The following KIRREL3 variants were observed in gnomAD, a reference collection of about 807,000 sequenced individuals.
The protein encoded by KIRREL3 is kin of IRRE-like protein 3.
A neutral mutation model predicts 89.7 loss-of-function variants in KIRREL3; 36 were observed. That is an observed-to-expected ratio of 0.40 (90% CI 0.31 to 0.53). KIRREL3 has a LOEUF of 0.53. Ranked by LOEUF, KIRREL3 falls within the 20% of genes least tolerant of loss-of-function variation. KIRREL3 has a pLI of 0.49. For synonymous variants in KIRREL3, 445 were observed against 441.4 expected, an observed-to-expected ratio of 1.01 and a Z score of -0.10; for missense variants, 864 against 1,056.6, an observed-to-expected ratio of 0.82 and a Z score of 2.53.
At chr11:126,957,075 C>T (rs1948943109) in intron 1 of KIRREL3, among the ~76,000 whole-genome samples, 1 of 152,224 alleles carries the variant, frequency 6.6e-6, no homozygotes, top group Non-Finnish European at 1.5e-5. Context: ...CCCCACTGTG[C>T]CAGAGCCAAT....
At chr11:126,478,694 T>G (rs375757304) in intron 4 of KIRREL3, among the ~76,000 whole-genome samples, 2 of 152,168 alleles carry the variant, frequency 1.3e-5, no homozygotes, top group African/African-American at 2.4e-5. Context: ...TGCATGTAGA[T>G]GTACATGTGT....
intron 1 of KIRREL3, among the ~76,000 whole-genome samples, chr11:126,712,864 C>T (rs1947816698): frequency 2.0e-5 from 3 of 152,202 alleles, no homozygotes; most frequent in Admixed American, 2.0e-4. Flanking sequence ...GAAAAGAAAC[C>T]AGTTTAGGTG....
chr11:126,988,214 T>C (rs7941580), intron 1 of KIRREL3, among the ~76,000 whole-genome samples: 2 of 152,344 alleles, frequency 1.3e-5, no homozygotes, highest in East Asian at 3.9e-4. Context: ...TGGGTGATGA[T>C]GAATTCTTTT....
intron 1 of KIRREL3, among the ~76,000 whole-genome samples, chr11:126,638,907 AC>A (rs1184249191): frequency 5.9e-5 from 9 of 152,050 alleles, no homozygotes; most frequent in African/African-American, 1.7e-4. Context: ...TTGAGTAATT[AC>A]CTATTTCCTT....
At chr11:126,467,839 C>A (rs535801495) in intron 5 of KIRREL3, among the ~76,000 whole-genome samples, 2 of 152,264 alleles carry the variant, frequency 1.3e-5, no homozygotes, top group African/African-American at 4.8e-5. Context: ...TGAGCCTCGG[C>A]CACACCCAGT....
intron 1 of KIRREL3, among the ~76,000 whole-genome samples, chr11:126,813,229 A>T (rs533804341): frequency 2.0e-4 from 31 of 152,344 alleles, no homozygotes; most frequent in African/African-American, 7.5e-4. Flanking sequence ...AGGCATGAAG[A>T]TGAAGGCATT....
rs1944749457 is a variant in KIRREL3, at chr11:126,647,785, T to G, written c.56-84873A>C. On this transcript the variant is annotated intron_variant, in intron 1 of 16. Coordinates refer to ENST00000525144, the MANE Select transcript of KIRREL3 (RefSeq NM_032531.4). This position sits in a 1 kb window ranked among gnomAD's most constrained non-coding sequence, Gnocchi z 4.9. ...AGTCTGAGTAGTGCTTTTAAAAACC[T>G]AAGTCAGAGGGAGCCGTTCCTTTGT... Among the ~76,000 whole-genome samples, 1 of 152,198 alleles carries G rather than the reference T, an allele frequency of 6.6e-6. No individual in the cohort carries two copies. Among genetic ancestry groups the G allele is most frequent in the African/African-American group, 2.4e-5 (1 of 41,454 alleles).
rs1591603281 is a variant in KIRREL3 at position 126,476,293 on chromosome 11, T to A, written c.434-2827A>T. Among the ~76,000 whole-genome samples the A allele has an allele frequency of 6.6e-6, 1 of 151,596 alleles. No homozygotes were observed. Among genetic ancestry groups the A allele is most frequent in the African/African-American group, 2.4e-5 (1 of 41,172 alleles). ...GGACTTTGGGGAGCTCCCCAGGGGG[T>A]CCCATGGCAGGACCAGCTTTCTGGG... On this transcript the variant is annotated intron_variant, in intron 4 of 16. Coordinates refer to ENST00000525144, the MANE Select transcript of KIRREL3 (RefSeq NM_032531.4). The surrounding 1 kb of genome is among the most constrained non-coding windows in gnomAD (Gnocchi z 6.4).
intron 1 of KIRREL3, among the ~76,000 whole-genome samples, chr11:126,722,189 C>T (rs1053806762): frequency 6.6e-6 from 1 of 152,236 alleles, no homozygotes; most frequent in Non-Finnish European, 1.5e-5. Context: ...ATCCTGTTTC[C>T]AGTCATCAGC....
Position 126,521,106 on chromosome 11 carries a change from G to A in KIRREL3, c.433+209C>T, listed in dbSNP as rs1453170899. On this transcript the variant is annotated intron_variant, in intron 4 of 16. Coordinates refer to ENST00000525144, the MANE Select transcript of KIRREL3 (RefSeq NM_032531.4). This position sits in a 1 kb window ranked among gnomAD's most constrained non-coding sequence, Gnocchi z 4.1. The stretch of plus-strand genomic sequence containing the variant: ...GGTTGGACTGAGTCCGCTGGCATTG[G>A]CTGTCTGGTTTACTAGGGAAAGAGC... Among the ~76,000 whole-genome samples the A allele has an allele frequency of 6.6e-6, 1 of 152,236 alleles. No homozygotes were observed. Among genetic ancestry groups the A allele is most frequent in the African/African-American group, 2.4e-5 (1 of 41,462 alleles).
At chr11:126,762,186 A>AATAAATAC (rs1949686350) in intron 1 of KIRREL3, among the ~76,000 whole-genome samples, 1 of 152,038 alleles carries the variant, frequency 6.6e-6, no homozygotes, top group African/African-American at 2.4e-5. Context: ...TAAATAAATA[A>AATAAATAC]ATAAATAAAC....
At chr11:126,589,644 G>A (rs1005738268) in intron 1 of KIRREL3, among the ~76,000 whole-genome samples, 6 of 152,206 alleles carry the variant, frequency 3.9e-5, no homozygotes, top group African/African-American at 1.4e-4. Context: ...GTGCTCCCAT[G>A]TTTCTGAACC....
chr11:126,460,719 G>T (rs1956512803), intron 6 of KIRREL3, among the ~76,000 whole-genome samples: 1 of 152,218 alleles, frequency 6.6e-6, no homozygotes, highest in African/African-American at 2.4e-5. Flanking sequence ...TCTTCTGTGG[G>T]CATGAGTGCA....
At chr11:126,524,653 T>C (rs908433597) in intron 3 of KIRREL3, among the ~76,000 whole-genome samples, 2 of 152,186 alleles carry the variant, frequency 1.3e-5, no homozygotes, top group African/African-American at 4.8e-5. Context: ...AGAAAAACAT[T>C]TAGGTCTTCA....
rs1323336868 is a variant in KIRREL3, at chr11:126,788,136, G to T, written c.55+212319C>A. On this transcript the variant is annotated intron_variant, in intron 1 of 16. Coordinates refer to ENST00000525144, the MANE Select transcript of KIRREL3 (RefSeq NM_032531.4). The surrounding 1 kb of genome is among the most constrained non-coding windows in gnomAD (Gnocchi z 4.1). The stretch of plus-strand genomic sequence containing the variant: ...CCGCCTCCCATAGCATCTAAAATCT[G>T]CTAGACATTGTGTGCAAAAAGAGTG... 6.6e-6 allele frequency among the ~76,000 whole-genome samples: 1 copy of T among 152,156 alleles called. No individual in the cohort carries two copies. The highest frequency in any genetic ancestry group is 1.5e-5 in the Non-Finnish European group (1 of 68,034).
intron 1 of KIRREL3, among the ~76,000 whole-genome samples, chr11:126,963,594 C>A (rs539447829): frequency 1.3e-5 from 2 of 152,290 alleles, no homozygotes; most frequent in South Asian, 4.1e-4. Context: ...TAAGTTCAAA[C>A]CCCGAAGACA....
rs1016398423 is a variant in KIRREL3 at position 126,526,415 on chromosome 11, G to A, written c.283+123C>T. 6 of 944,108 alleles carry A rather than the reference G, an allele frequency of 6.4e-6. No individual in the cohort carries two copies. In the Admixed American group the frequency reaches 7.3e-5, roughly 12 times the overall value. 58.5% of individuals were successfully genotyped at this position (944,108 alleles called of 1,614,324 possible). ...CTAGCCTGACTCTGCCTGAGGAGTT[G>A]CAGTGAAAGCTAGAGATTCGATACT... On this transcript the variant is annotated intron_variant, in intron 3 of 16. Transcript: ENST00000525144. The surrounding 1 kb of genome is among the most constrained non-coding windows in gnomAD (Gnocchi z 5.7).
Position 126,544,442 on chromosome 11 carries a change from C to T in KIRREL3, c.134-17755G>A, listed in dbSNP as rs1334905530. Among the ~76,000 whole-genome samples the T allele has an allele frequency of 6.6e-6, 1 of 152,184 alleles. No homozygotes were observed. The highest frequency in any genetic ancestry group is 1.5e-5 in the Non-Finnish European group (1 of 68,038). On this transcript the variant is annotated intron_variant, in intron 2 of 16. Transcript: ENST00000525144. This position sits in a 1 kb window ranked among gnomAD's most constrained non-coding sequence, Gnocchi z 5.6. ...GGGAGGCAGCTGCTTGCAGCCAGTTCTCTTCTCTTTGTTTTGCAGAGTTGG... is the reference window on the plus strand; with the variant it reads ...GGGAGGCAGCTGCTTGCAGCCAGTTTTCTTCTCTTTGTTTTGCAGAGTTGG...
In KIRREL3 at chr11:126,736,587, G is replaced by A. The variant is rs1948808300; in HGVS notation, c.56-173675C>T. On this transcript the variant is annotated intron_variant, in intron 1 of 16. Coordinates refer to ENST00000525144, the MANE Select transcript of KIRREL3 (RefSeq NM_032531.4). This position sits in a 1 kb window ranked among gnomAD's most constrained non-coding sequence, Gnocchi z 5.0. ...ATATTTTCGGTTGTTACAACTAAGT[G>A]GGGGAGTAGGGGTACCTGCTCCTGG... Among the ~76,000 whole-genome samples, 1 of 152,114 alleles carries A rather than the reference G, an allele frequency of 6.6e-6. No individual in the cohort carries two copies. Among genetic ancestry groups the A allele is most frequent in the Non-Finnish European group, 1.5e-5 (1 of 68,028 alleles).
Sources: gnomAD v4.1 joint callset for allele counts (sites outside exome capture counted in the v4.1 genomes callset) on GRCh38, gnomAD v4.1.1 for gene constraint, Gnocchi (gnomAD v3.1) non-coding constraint, MANE v1.5 for transcripts, NCBI Gene and HGNC (gene_info 2026-07-23, HGNC 2026-07-21) for gene names.